Variants in POU2F2 observed in about 807,000 individuals in gnomAD.
POU2F2 encodes POU class 2 homeobox 2.
POU2F2 carries 14 observed loss-of-function variants against 63.5 expected under a neutral mutation model. That is an observed-to-expected ratio of 0.22 (90% CI 0.15 to 0.34). POU2F2 has a LOEUF of 0.34. Ranked by LOEUF, POU2F2 falls within the 10% of genes least tolerant of loss-of-function variation. The pLI, the probability that POU2F2 is intolerant of heterozygous loss-of-function variation, is 1.00. For synonymous variants in POU2F2, 306 were observed against 348.6 expected, an observed-to-expected ratio of 0.88 and a Z score of 1.36; for missense variants, 607 against 815.2, an observed-to-expected ratio of 0.74 and a Z score of 3.11.
At chr19:42,170,554 A>G (rs931303027) in intron 1 of POU2F2, among the ~76,000 whole-genome samples, 4 of 152,226 alleles carry the variant, frequency 2.6e-5, no homozygotes, top group African/African-American at 9.6e-5. Context: ...AGGTCCCTGA[A>G]CACTTTGTGG....
chr19:42,117,105 A>G lies in POU2F2; in HGVS notation c.369+145T>C. The G allele has an allele frequency of 1.4e-6, 1 of 726,050 alleles. No homozygotes were observed. Among genetic ancestry groups the G allele is most frequent in the East Asian group, 2.7e-5 (1 of 37,728 alleles). The allele number at this position is 726,050 out of a possible 1,614,324, so 45.0% of individuals were successfully genotyped here. ...GCCTAAGCCAAGCAAGTAAGGGGAC[A>G]AGACCTCCTAGAGGACAGAAGAGGG... On this transcript the variant is annotated intron_variant, in intron 5 of 14. Coordinates refer to ENST00000692977, the MANE Select transcript of POU2F2 (RefSeq NM_001394376.1). This position sits in a 1 kb window ranked among gnomAD's most constrained non-coding sequence, Gnocchi z 4.4.
intron 5 of POU2F2, among the ~76,000 whole-genome samples, chr19:42,112,773 G>A (rs534798722): frequency 9.2e-5 from 14 of 152,308 alleles, no homozygotes; most frequent in Admixed American, 2.0e-4. Context: ...GACCCCTGGA[G>A]CTGGGCCTGA....
At chr19:42,097,381 G>C (rs1466327952) in intron 7 of POU2F2, among the ~76,000 whole-genome samples, 2 of 151,936 alleles carry the variant, frequency 1.3e-5, no homozygotes, top group Non-Finnish European at 2.9e-5. Flanking sequence ...ATTTTTAGTA[G>C]AGATGGGGTT....
At chr19:42,128,311 T>C (rs1407872685) in intron 1 of POU2F2, among the ~76,000 whole-genome samples, 1 of 152,154 alleles carries the variant, frequency 6.6e-6, no homozygotes, top group Non-Finnish European at 1.5e-5. Context: ...CAAGAAACCC[T>C]AACTTAAATC....
At chr19:42,100,128 G>A (rs1432886397) in intron 5 of POU2F2, among the ~76,000 whole-genome samples, 3 of 106,326 alleles carry the variant, frequency 2.8e-5, no homozygotes, top group Non-Finnish European at 5.1e-5. Context: ...GTCTCGCTCT[G>A]TCGCCCAGGC....
At chr19:42,182,008 A>G (rs1193897216) in intron 1 of POU2F2, among the ~76,000 whole-genome samples, 1 of 152,134 alleles carries the variant, frequency 6.6e-6, no homozygotes, top group Non-Finnish European at 1.5e-5. Flanking sequence ...GGGCTCCCTT[A>G]TAATCTCTGA....
At chr19:42,133,711 G>A (rs2033914806), upstream of POU2F2, among the ~76,000 whole-genome samples, 1 of 152,074 alleles carries the variant, frequency 6.6e-6, no homozygotes, top group Admixed American at 6.5e-5. This position sits in a 1 kb window ranked among gnomAD's most constrained non-coding sequence, Gnocchi z 5.1. Flanking sequence ...GCTGACGATG[G>A]TCACTCCCAT....
chr19:42,182,110 A>G (rs2034967599), intron 1 of POU2F2, among the ~76,000 whole-genome samples: 1 of 152,020 alleles, frequency 6.6e-6, no homozygotes, highest in African/African-American at 2.4e-5. Flanking sequence ...AAGGACAAGG[A>G]GCAAAAAGAA....
rs952855409 is a variant in POU2F2, at chr19:42,087,554, C to G, written c.*3703G>C. 2.0e-5 allele frequency: 3 copies of G among 150,678 alleles called. No individual in the cohort carries two copies. The highest frequency in any genetic ancestry group is 7.3e-5 in the African/African-American group (3 of 40,906). The allele number at this position is 150,678 out of a possible 1,614,324, so 9.3% of individuals were successfully genotyped here. ...CCACACACACACCCACCCCACCCCC[C>G]AGAAGAGAACAGAGAGAGGTGGTTT... On this transcript the variant is annotated 3_prime_UTR_variant, in exon 15 of 15. Transcript: ENST00000692977.
At position 42,099,704 on chromosome 19, in the gene POU2F2, T is replaced by C. The variant is rs2077056175; in HGVS notation, c.475+12A>G. On this transcript the variant is annotated intron_variant, in intron 6 of 14. Transcript: ENST00000692977. ...GAGGCGTCAGGGAGGCCATCTGGGG[T>C]GGGGGCCTTACCTGGCTGGCTCTGC... The C allele has an allele frequency of 6.3e-7, 1 of 1,597,026 alleles. No homozygotes were observed. The highest frequency in any genetic ancestry group is 1.3e-5 in the African/African-American group (1 of 74,394).
At chr19:42,188,437 G>A (rs567530542) in intron 1 of POU2F2, among the ~76,000 whole-genome samples, 1 of 151,784 alleles carries the variant, frequency 6.6e-6, no homozygotes, top group East Asian at 1.9e-4. Context: ...TTGGGAGGCC[G>A]AGGTGGGTGG....
upstream of POU2F2, among the ~76,000 whole-genome samples, chr19:42,179,743 G>GT (rs1350707427): frequency 1.3e-5 from 2 of 152,084 alleles, no homozygotes; most frequent in African/African-American, 2.4e-5. Flanking sequence ...CTGGAAGTGC[G>GT]TAACATAAAT....
At chr19:42,180,632 G>A (rs2146814526), upstream of POU2F2, among the ~76,000 whole-genome samples, 1 of 152,254 alleles carries the variant, frequency 6.6e-6, no homozygotes, top group African/African-American at 2.4e-5. Flanking sequence ...TGGGTGGGGT[G>A]GGGGGCGGTC....
Position 42,086,842 on chromosome 19 carries a change from C to T in POU2F2, c.*4415G>A, listed in dbSNP as rs552965655. ...GGAGGGAGGCAGAAGGGAGGGGTCA[C>T]AGACATAGTAAATAGTTGTCTCCAT... On this transcript the variant is annotated 3_prime_UTR_variant, in exon 15 of 15. Coordinates refer to ENST00000692977, the MANE Select transcript of POU2F2 (RefSeq NM_001394376.1). 1.3e-5 allele frequency: 2 copies of T among 152,298 alleles called. No homozygotes were observed. Among genetic ancestry groups the T allele is most frequent in the South Asian group, 4.1e-4 (2 of 4,826 alleles). 9.4% of individuals were successfully genotyped at this position (152,298 alleles called of 1,614,324 possible). A position where few individuals can be genotyped will look rare whatever the true frequency, so the allele number is the denominator to read the frequency against.
intron 1 of POU2F2, among the ~76,000 whole-genome samples, chr19:42,182,017 G>C (rs1239851596): frequency 6.6e-6 from 1 of 152,098 alleles, no homozygotes; most frequent in Non-Finnish European, 1.5e-5. Context: ...TATAATCTCT[G>C]AGGATAAAGG....
At chr19:42,115,346 C>T (rs1171937197) in intron 5 of POU2F2, among the ~76,000 whole-genome samples, 1 of 152,162 alleles carries the variant, frequency 6.6e-6, no homozygotes, top group Non-Finnish European at 1.5e-5. Context: ...AACAAGGGAA[C>T]AGCCTTACCA....
rs925142288 is a variant in POU2F2 at position 42,096,076 on chromosome 19, C to G, written c.729+6G>C. ...CCACCGCCCAGCCTGCAAGGTGCCT[C>G]CAGACCTGCGTGAAGCCCAGCTTGA... On this transcript the variant is annotated splice_donor_region_variant and intron_variant, in intron 8 of 14. Transcript: ENST00000692977. This position sits in a 1 kb window ranked among gnomAD's most constrained non-coding sequence, Gnocchi z 4.1. The G allele has an allele frequency of 6.2e-7, 1 of 1,613,182 alleles. No homozygotes were observed. Among genetic ancestry groups the G allele is most frequent in the Admixed American group, 1.7e-5 (1 of 59,876 alleles).
chr19:42,136,966 G>A (rs1361505378), upstream of POU2F2: 2 of 152,210 alleles, frequency 1.3e-5, no homozygotes, highest in African/African-American at 2.4e-5. Context: ...GCTGGGAGCT[G>A]AGGACCCAGA....
chr19:42,140,365 T>C (rs962101681), intron 2 of POU2F2, among the ~76,000 whole-genome samples: 3 of 152,220 alleles, frequency 2.0e-5, no homozygotes, highest in Non-Finnish European at 4.4e-5. Context: ...CAAGAGCCCA[T>C]GGCCTTGGTC....
Sources: allele counts gnomAD v4.1 joint callset (sites outside exome capture counted in the v4.1 genomes callset), GRCh38; gene constraint gnomAD v4.1.1; non-coding constraint Gnocchi (gnomAD v3.1); transcripts MANE v1.5; gene names NCBI Gene and HGNC (gene_info 2026-07-23, HGNC 2026-07-21).